The following LARGE1 variants were observed in gnomAD, a reference collection of about 807,000 sequenced individuals.
The protein encoded by LARGE1 is LARGE xylosyl- and glucuronyltransferase 1.
LARGE1 carries 43 observed loss-of-function variants against 87.6 expected under a neutral mutation model. The ratio of observed to expected loss-of-function variants is 0.49; its 90% confidence interval spans 0.38 to 0.63. LARGE1 has a LOEUF of 0.63. LARGE1 is among the 30% of genes least tolerant of loss of function. The pLI, the probability that LARGE1 is intolerant of heterozygous loss-of-function variation, is 0.00. For synonymous variants in LARGE1, 434 were observed against 394.6 expected (o/e 1.10, Z -1.18); for missense variants, 802 against 1,000.2 (o/e 0.80, Z 2.67).
At chr22:33,417,325 T>C (rs140738616) in intron 7 of LARGE1, among the ~76,000 whole-genome samples, 287 of 152,356 alleles carry the variant, frequency 1.9e-3, no homozygotes, top group Non-Finnish European at 3.2e-3. Context: ...TTCCCACCAG[T>C]GGCTTTTCAA....
At chr22:33,409,357 G>C (rs1369287689) in intron 7 of LARGE1, among the ~76,000 whole-genome samples, 1 of 152,156 alleles carries the variant, frequency 6.6e-6, no homozygotes, top group East Asian at 1.9e-4. Context: ...GGAAAGCATA[G>C]TATAGCAGGT....
intron 1 of LARGE1, among the ~76,000 whole-genome samples, chr22:33,816,828 A>T (rs959745072): frequency 6.6e-6 from 1 of 152,090 alleles, no homozygotes; most frequent in Non-Finnish European, 1.5e-5. Context: ...CCTTTTCACA[A>T]CGCAGTGTTC....
chr22:33,570,903 G>A lies in LARGE1; in HGVS notation c.616-5884C>T, dbSNP rs182615736. 1.2e-3 allele frequency among the ~76,000 whole-genome samples: 178 copies of A among 152,168 alleles called. 4 individuals are homozygous for A. Among genetic ancestry groups the A allele is most frequent in the Non-Finnish European group, 3.2e-4 (22 of 68,014 alleles). On this transcript the variant is annotated intron_variant, in intron 5 of 14. Coordinates refer to ENST00000397394, the MANE Select transcript of LARGE1 (RefSeq NM_133642.5). ...CATCATGGGGTCAATGGAGAGAAGA[G>A]CACCCTCGAAGGCAGGCTGAGGAAA...
At chr22:33,753,578 C>A (rs1601530387) in intron 2 of LARGE1, among the ~76,000 whole-genome samples, 1 of 152,130 alleles carries the variant, frequency 6.6e-6, no homozygotes, top group South Asian at 2.1e-4. Flanking sequence ...TGGTTTGTTA[C>A]AGCAGCCACA....
intron 2 of LARGE1, among the ~76,000 whole-genome samples, chr22:33,754,845 T>C (rs1164759601): frequency 6.6e-6 from 1 of 152,166 alleles, no homozygotes; most frequent in African/African-American, 2.4e-5. Flanking sequence ...CTCCAGCAGA[T>C]TATTCACCAA....
chr22:33,512,458 A>G (rs1232444620), intron 6 of LARGE1, among the ~76,000 whole-genome samples: 5 of 152,094 alleles, frequency 3.3e-5, no homozygotes, highest in Non-Finnish European at 1.5e-5. Context: ...ATATAGGAGG[A>G]AAACAACAGT....
At chr22:33,131,033 C>CAAAAAAAAAAA in the LARGE1 span, among the ~76,000 whole-genome samples, 9 of 70,928 alleles carry the variant, frequency 1.3e-4, no homozygotes, top group East Asian at 5.3e-4. Context: ...GACTCCGTCT[C>CAAAAAAAAAAA]AAAAAAAAAA....
chr22:33,323,497 G>T (rs988846558), intron 10 of LARGE1, among the ~76,000 whole-genome samples: 2 of 152,178 alleles, frequency 1.3e-5, no homozygotes, highest in African/African-American at 4.8e-5. Context: ...CCTCAAACCA[G>T]GGACATTTCA....
chr22:33,329,822 T>C (rs904343544), intron 10 of LARGE1, among the ~76,000 whole-genome samples: 1 of 152,122 alleles, frequency 6.6e-6, no homozygotes, highest in African/African-American at 2.4e-5. Flanking sequence ...TAGTTGGAAA[T>C]TCCCTTAGGT....
At chr22:33,279,970 T>C (rs920081048) in intron 13 of LARGE1, among the ~76,000 whole-genome samples, 1 of 152,354 alleles carries the variant, frequency 6.6e-6, no homozygotes. Context: ...TAATTAGCCG[T>C]TAATTTCCTT....
chr22:33,140,918 T>C, the LARGE1 span, among the ~76,000 whole-genome samples: 2 of 152,090 alleles, frequency 1.3e-5, no homozygotes, highest in South Asian at 2.1e-4. Context: ...CCTCTAGAGA[T>C]ACAGAAGATT....
chr22:33,366,246 C>T (rs111692202), intron 9 of LARGE1, among the ~76,000 whole-genome samples: 1,809 of 150,626 alleles, frequency 0.012, 24 homozygotes, highest in African/African-American at 0.037. Context: ...TATGTTGCCT[C>T]TTCATATACC....
chr22:33,733,457 T>G (rs1168902614), intron 2 of LARGE1: 3 of 152,188 alleles, frequency 2.0e-5, no homozygotes, highest in Non-Finnish European at 4.4e-5. Flanking sequence ...TTTTAACACA[T>G]CCAGAGTTAT....
chr22:33,725,532 G>A (rs1569407317), intron 2 of LARGE1: 1 of 151,894 alleles, frequency 6.6e-6, no homozygotes, highest in Non-Finnish European at 1.5e-5. Context: ...GGTAGGGGAG[G>A]ACCACGAACC....
At chr22:33,491,562 T>A (rs2069842994) in intron 6 of LARGE1, among the ~76,000 whole-genome samples, 1 of 152,210 alleles carries the variant, frequency 6.6e-6, no homozygotes, top group African/African-American at 2.4e-5. Flanking sequence ...TCTCAAAACT[T>A]CCTTTTAATT....
At chr22:33,829,017 T>C (rs1330172828) in intron 1 of LARGE1, among the ~76,000 whole-genome samples, 1 of 143,502 alleles carries the variant, frequency 7.0e-6, no homozygotes, top group African/African-American at 2.7e-5. Context: ...TTTTTTTTTT[T>C]TTTTTTTTTT....
In LARGE1 at chr22:33,307,390, G is replaced by A. The variant is rs541580305; in HGVS notation, c.1452-2883C>T. Among the ~76,000 whole-genome samples, 8 of 152,278 alleles carry A rather than the reference G, an allele frequency of 5.3e-5. No homozygotes were observed. In the East Asian group the frequency reaches 1.5e-3, roughly 29 times the overall value. On this transcript the variant is annotated intron_variant, in intron 11 of 14. Transcript: ENST00000397394. ...CAGGTCATTATTTACTATGGATTGG[G>A]GTTAGGCTGAGAACAATGTTCCCAA...
chr22:33,753,922 C>T (rs1249490693), intron 2 of LARGE1, among the ~76,000 whole-genome samples: 3 of 151,866 alleles, frequency 2.0e-5, no homozygotes, highest in Non-Finnish European at 4.4e-5. Context: ...AATAACTGGG[C>T]ATGGGGGTGG....
At chr22:33,737,410 C>T (rs1190879308) in intron 2 of LARGE1, among the ~76,000 whole-genome samples, 1 of 152,192 alleles carries the variant, frequency 6.6e-6, no homozygotes, top group Non-Finnish European at 1.5e-5. Context: ...ACGCTAAGTC[C>T]TGGCATTTTA....
Sources: gnomAD v4.1 joint callset for allele counts (sites outside exome capture counted in the v4.1 genomes callset) on GRCh38, gnomAD v4.1.1 for gene constraint, MANE v1.5 for transcripts, NCBI Gene and HGNC (gene_info 2026-07-23, HGNC 2026-07-21) for gene names.